BTBD1: variants seen among roughly 807,000 people sequenced by gnomAD.
BTBD1 encodes BTB domain containing 1.
A neutral mutation model predicts 48.0 loss-of-function variants in BTBD1; 34 were observed. The observed-to-expected ratio is 0.71, with a 90% CI of 0.54 to 0.94. The LOEUF (loss-of-function observed/expected upper bound fraction) is 0.94. BTBD1 is among the 40% of genes least tolerant of loss of function. BTBD1 has a pLI of 0.00. For synonymous variants in BTBD1, 261 were observed against 242.1 expected, an observed-to-expected ratio of 1.08 and a Z score of -0.72; for missense variants, 543 against 625.6, an observed-to-expected ratio of 0.87 and a Z score of 1.41.
intron 5 of BTBD1, chr15:83,024,464 A>C (rs182518634): frequency 3.3e-5 from 5 of 152,328 alleles, no homozygotes; most frequent in Admixed American, 1.3e-4. Flanking sequence ...GATACATGCC[A>C]AGTTTAGAGA....
chr15:83,041,966 T>C, intron 3 of BTBD1, 41 bp from the exon 4 acceptor site: 1 of 1,575,760 alleles, frequency 6.3e-7, no homozygotes, highest in Non-Finnish European at 8.7e-7. Context: ...AGAAATATTT[T>C]AGCTCTCTAA....
intron 4 of BTBD1, among the ~76,000 whole-genome samples, chr15:83,038,162 A>G (rs1344618228): frequency 6.6e-6 from 1 of 152,156 alleles, no homozygotes; most frequent in Admixed American, 6.6e-5. Context: ...ATATAAAATT[A>G]ATGTACAAAA....
chr15:83,060,016 T>C (rs147352818), intron 1 of BTBD1, among the ~76,000 whole-genome samples: 27 of 152,302 alleles, frequency 1.8e-4, no homozygotes, highest in African/African-American at 5.8e-4. Context: ...TACTGGACAA[T>C]AAACAGTAAG....
Position 83,063,732 on chromosome 15 carries a change from T to C in BTBD1, c.401+3019A>G, listed in dbSNP as rs141616437. 1.1e-3 allele frequency among the ~76,000 whole-genome samples: 162 copies of C among 152,348 alleles called. No homozygotes were observed. The Middle Eastern group carries it at 0.024, about 22-fold the overall frequency. ...GCACCATCCTGTCTGGCCTATCTTT[T>C]TGACCTCATTTTCTACCACTTCCCT... On this transcript the variant is annotated intron_variant, in intron 1 of 7. Coordinates refer to ENST00000261721, the MANE Select transcript of BTBD1 (RefSeq NM_025238.4).
Position 83,032,890 on chromosome 15 carries a change from T to C in BTBD1, c.863-2562A>G, listed in dbSNP as rs796157390. Among the ~76,000 whole-genome samples, 4 of 146,330 alleles carry C rather than the reference T, an allele frequency of 2.7e-5. No individual in the cohort carries two copies. In the East Asian group the frequency reaches 5.9e-4, roughly 22 times the overall value. Reference sequence around the variant, plus strand: ...AGGAGGCTGAGGCAGGAGAATCACTTGAACCTGGAAGGTGGAGGTTGCACT... The same window carrying C: ...AGGAGGCTGAGGCAGGAGAATCACTCGAACCTGGAAGGTGGAGGTTGCACT... On this transcript the variant is annotated intron_variant, in intron 4 of 7. Coordinates refer to ENST00000261721, the MANE Select transcript of BTBD1 (RefSeq NM_025238.4).
At position 83,041,444 on chromosome 15, in the gene BTBD1, C is replaced by T. The variant is rs111931340; in HGVS notation, c.862+284G>A. On this transcript the variant is annotated intron_variant, in intron 4 of 7. Transcript: ENST00000261721. ...GGGCTGGAATGCAACGGCATGATCT[C>T]GGCTCACTGCAACCTCCGTCTCCTG... Among the ~76,000 whole-genome samples, 1,152 of 151,640 alleles carry T rather than the reference C, an allele frequency of 7.6e-3. 12 individuals carry two copies. The highest frequency in any genetic ancestry group is 0.026 in the African/African-American group (1,089 of 41,336).
intron 5 of BTBD1, among the ~76,000 whole-genome samples, chr15:83,025,357 C>CAAAAAAAAAAAAAAAAAAAA (rs767479917): frequency 3.1e-5 from 2 of 64,176 alleles, no homozygotes; most frequent in Non-Finnish European, 2.9e-5. Flanking sequence ...GACTCCATCA[C>CAAAAAAAAAAAAAAAAAAAA]AAAAAAAAAA....
chr15:83,042,856 G>A lies in BTBD1; in HGVS notation c.665-931C>T, dbSNP rs183096134. Among the ~76,000 whole-genome samples the A allele has an allele frequency of 1.6e-3, 246 of 152,280 alleles. 1 individual carries two copies. The highest frequency in any genetic ancestry group is 4.9e-4 in the Non-Finnish European group (33 of 68,030). ...TCAGAAATGCAGTTTAAAATAGGAA[G>A]GGGCCAGGCATGGTGACCCATGCCA... On this transcript the variant is annotated intron_variant, in intron 3 of 7. Coordinates refer to ENST00000261721, the MANE Select transcript of BTBD1 (RefSeq NM_025238.4).
chr15:83,025,171 T>A (rs1183484501), intron 5 of BTBD1, among the ~76,000 whole-genome samples: 2 of 151,918 alleles, frequency 1.3e-5, no homozygotes, highest in East Asian at 3.9e-4. Flanking sequence ...CTGACCAACA[T>A]GGTGAAACCC....
chr15:83,066,425 C>A (rs966268373), intron 1 of BTBD1, among the ~76,000 whole-genome samples: 1 of 152,244 alleles, frequency 6.6e-6, no homozygotes, highest in African/African-American at 2.4e-5. Flanking sequence ...ACAACCTGAT[C>A]TGCCCCTCTA....
intron 3 of BTBD1, among the ~76,000 whole-genome samples, chr15:83,048,686 C>T (rs541776033): frequency 4.6e-5 from 7 of 152,150 alleles, no homozygotes; most frequent in Non-Finnish European, 7.4e-5. Context: ...AAGTGTCTAA[C>T]GAAAGCAATT....
intron 3 of BTBD1, chr15:83,044,587 A>C: frequency 6.3e-7 from 1 of 1,596,418 alleles, no homozygotes; most frequent in Non-Finnish European, 8.6e-7. Context: ...AAGTTTGAAG[A>C]AACCACAGCT....
At chr15:83,036,426 A>T (rs1435330168) in intron 4 of BTBD1, among the ~76,000 whole-genome samples, 1 of 152,234 alleles carries the variant, frequency 6.6e-6, no homozygotes. Flanking sequence ...AGTATTGGAG[A>T]GGATGTGGGC....
intron 4 of BTBD1, among the ~76,000 whole-genome samples, chr15:83,035,766 A>G (rs2032613931): frequency 6.6e-6 from 1 of 152,120 alleles, no homozygotes; most frequent in Non-Finnish European, 1.5e-5. Flanking sequence ...TGTAATAGAG[A>G]AAATTAATAA....
chr15:83,051,386 A>G (rs1006641399), intron 2 of BTBD1, among the ~76,000 whole-genome samples: 3 of 151,910 alleles, frequency 2.0e-5, no homozygotes, highest in East Asian at 1.9e-4. Context: ...ATAAATATCT[A>G]AACAATTATC....
In BTBD1 at chr15:83,030,162, A is replaced by T; in HGVS notation, c.1029T>A (p.Gly343=). 1.2e-6 allele frequency: 2 copies of T among 1,614,000 alleles called. No individual in the cohort carries two copies. Among genetic ancestry groups the T allele is most frequent in the Non-Finnish European group, 1.7e-6 (2 of 1,179,998 alleles). ...TGATTCGATCACTCGTCCCACTGTA[A>T]CCCCAGCGGCTTTCTACTTGCTGGA... is the stretch of plus-strand genomic sequence containing the variant. ...NRFQQVESRW[G]YSGTSDRIRF... is the part of the protein sequence containing the mutation. Residue 343 remains glycine, a synonymous_variant, in exon 5 of 8, where the codon GGT becomes GGA. Transcript: ENST00000261721.
intron 2 of BTBD1, among the ~76,000 whole-genome samples, chr15:83,051,024 C>T (rs2032971361): frequency 6.8e-6 from 1 of 146,884 alleles, no homozygotes. Flanking sequence ...TTATAACCCT[C>T]CCCCACAAAA....
intron 3 of BTBD1, among the ~76,000 whole-genome samples, chr15:83,048,596 G>C (rs1323567023): frequency 6.6e-6 from 1 of 151,870 alleles, no homozygotes; most frequent in East Asian, 1.9e-4. Flanking sequence ...TCCACTTGCC[G>C]CTAATGCCCT....
At chr15:83,054,412 C>T (rs1245362222) in intron 2 of BTBD1, among the ~76,000 whole-genome samples, 1 of 151,974 alleles carries the variant, frequency 6.6e-6, no homozygotes, top group African/African-American at 2.4e-5. Flanking sequence ...GAGTAAGTGC[C>T]ATAATATATG....
Sources: allele counts gnomAD v4.1 joint callset (sites outside exome capture counted in the v4.1 genomes callset), GRCh38; gene constraint gnomAD v4.1.1; transcripts MANE v1.5; gene names NCBI Gene and HGNC (gene_info 2026-07-23, HGNC 2026-07-21).